The following CSNK1G3 variants were observed in gnomAD, a reference collection of about 807,000 sequenced individuals.
CSNK1G3 encodes casein kinase I isoform gamma-3.
Under a neutral mutation model 64.3 loss-of-function variants are expected in CSNK1G3, and 23 were observed. The ratio of observed to expected loss-of-function variants is 0.36; its 90% CI spans 0.26 to 0.51. The LOEUF (loss-of-function observed/expected upper bound fraction) is 0.51, where lower values mean the gene tolerates loss of function less well. Ranked by LOEUF, CSNK1G3 falls within the 20% of genes least tolerant of loss-of-function variation. The pLI is 0.96. For missense variants in CSNK1G3, 357 were observed against 510.5 expected (o/e 0.70, Z 2.90); for synonymous variants, 158 against 162.2 (o/e 0.97, Z 0.20).
At chr5:123,540,107 A>G (rs190457765) in intron 1 of CSNK1G3, among the ~76,000 whole-genome samples, 4 of 150,698 alleles carry the variant, frequency 2.7e-5, no homozygotes, top group Admixed American at 1.3e-4. Context: ...GTTGTGTTCT[A>G]TTTTCTGTTT....
rs937715941 is a variant in CSNK1G3 at position 123,591,407 on chromosome 5, A to G, written c.1079A>G (p.Lys360Arg). ...CACAGAGATAAGATGCAACAATCCA[A>G]AAACCAGGTTTGCTGCCCTTTAGAT... Residue 360 changes from lysine (K) to arginine (R), a missense_variant, in exon 10 of 13, where the codon AAA becomes AGA. Physicochemically the swap from Lys to Arg is conservative, Grantham distance 26. This residue lies in a region of CSNK1G3 where 187 missense variants were observed against 217.1 expected (regional missense o/e 0.86). Transcript: ENST00000345990. 5 of 1,605,882 alleles carry G rather than the reference A, an allele frequency of 3.1e-6. No homozygotes were observed. In the African/African-American group the frequency reaches 6.7e-5, roughly 22 times the overall value.
chr5:123,598,886 G>A (rs1350340616), intron 10 of CSNK1G3, among the ~76,000 whole-genome samples: 3 of 152,134 alleles, frequency 2.0e-5, no homozygotes, highest in Non-Finnish European at 2.9e-5. Flanking sequence ...GAGGAAAAAT[G>A]TTGGGTAGTG....
intron 1 of CSNK1G3, among the ~76,000 whole-genome samples, chr5:123,540,291 C>T (rs780871758): frequency 6.6e-6 from 1 of 151,730 alleles, no homozygotes; most frequent in Non-Finnish European, 1.5e-5. Flanking sequence ...CTGAGAATTC[C>T]TGTTTTTGCT....
chr5:123,585,617 T>C (rs929766812), intron 6 of CSNK1G3, among the ~76,000 whole-genome samples: 5 of 152,200 alleles, frequency 3.3e-5, no homozygotes, highest in African/African-American at 1.2e-4. Flanking sequence ...CTATTACAAC[T>C]TTTTAGTAAG....
intron 2 of CSNK1G3, among the ~76,000 whole-genome samples, chr5:123,551,825 T>C (rs1175162352): frequency 1.3e-5 from 2 of 152,192 alleles, no homozygotes; most frequent in African/African-American, 4.8e-5. Context: ...TGTTTTGTTT[T>C]CCTCACTATA....
chr5:123,520,266 A>G (rs149574434), intron 1 of CSNK1G3, among the ~76,000 whole-genome samples: 14 of 152,288 alleles, frequency 9.2e-5, no homozygotes, highest in African/African-American at 3.1e-4. Flanking sequence ...CATATATACT[A>G]TACATGTATA....
At chr5:123,587,589 A>G (rs1028208537) in intron 6 of CSNK1G3, among the ~76,000 whole-genome samples, 11 of 152,214 alleles carry the variant, frequency 7.2e-5, no homozygotes, top group Non-Finnish European at 1.3e-4. Flanking sequence ...ATTACACACA[A>G]TACTCCATAA....
At chr5:123,581,132 T>G (rs1175512795) in intron 6 of CSNK1G3, among the ~76,000 whole-genome samples, 2 of 151,926 alleles carry the variant, frequency 1.3e-5, no homozygotes, top group East Asian at 3.9e-4. Flanking sequence ...TTTATAATTA[T>G]ATTTTAACAG....
At chr5:123,576,026 T>C (rs1042182497) in intron 6 of CSNK1G3, 63 bp downstream of exon 6, 2 of 1,070,298 alleles carry the variant, frequency 1.9e-6, no homozygotes, top group Non-Finnish European at 2.7e-6. Flanking sequence ...ACTGTGAGTT[T>C]TTATTTGTTA....
At chr5:123,527,234 A>T (rs1286706335) in intron 1 of CSNK1G3, among the ~76,000 whole-genome samples, 1 of 152,124 alleles carries the variant, frequency 6.6e-6, no homozygotes, top group Non-Finnish European at 1.5e-5. Context: ...TGGAACTATT[A>T]TTTCTTGTTC....
chr5:123,613,818 C>T (rs1374956703), intron 12 of CSNK1G3, among the ~76,000 whole-genome samples: 1 of 152,080 alleles, frequency 6.6e-6, no homozygotes. Flanking sequence ...TAAGCTTGAC[C>T]TTCTTTAACC....
intron 1 of CSNK1G3, among the ~76,000 whole-genome samples, chr5:123,515,366 CA>C (rs938246482): frequency 4.6e-5 from 7 of 152,166 alleles, no homozygotes; most frequent in African/African-American, 1.4e-4. Flanking sequence ...TATTGAATAA[CA>C]AAATATAGGT....
exon 2 of CSNK1G3, chr5:123,545,765 T>G (rs1782425296): frequency 6.8e-6 from 11 of 1,613,790 alleles, no homozygotes; most frequent in African/African-American, 1.3e-5. Flanking sequence ...CTTCATCGTC[T>G]GGAGTTTTAA....
chr5:123,517,991 T>C lies in CSNK1G3; in HGVS notation c.-248+5421T>C, dbSNP rs114826106. Among the ~76,000 whole-genome samples, 1,435 of 151,710 alleles carry C rather than the reference T, an allele frequency of 9.5e-3. 27 individuals are homozygous for C. The highest frequency in any genetic ancestry group is 0.033 in the African/African-American group (1,353 of 41,334). ...CCAGAGGTTCATTCCTTAGAGTGAATTGTTTATCTAGTCAGGTGATCAATC... is the reference window on the plus strand; with the variant it reads ...CCAGAGGTTCATTCCTTAGAGTGAACTGTTTATCTAGTCAGGTGATCAATC... On this transcript the variant is annotated intron_variant, in intron 1 of 12. Coordinates refer to ENST00000345990, the Ensembl canonical transcript of CSNK1G3.
intron 5 of CSNK1G3, among the ~76,000 whole-genome samples, chr5:123,573,974 C>A (rs1047683733): frequency 6.6e-6 from 1 of 151,716 alleles, no homozygotes; most frequent in Non-Finnish European, 1.5e-5. Context: ...CTCAGCCTCC[C>A]GAGTAGCTGG....
intron 10 of CSNK1G3, among the ~76,000 whole-genome samples, chr5:123,592,824 C>G (rs1388366741): frequency 6.6e-6 from 1 of 151,718 alleles, no homozygotes; most frequent in Non-Finnish European, 1.5e-5. Flanking sequence ...TAAAGCATCT[C>G]ATACATAAAT....
chr5:123,597,759 T>A (rs1259488668), intron 10 of CSNK1G3, among the ~76,000 whole-genome samples: 1 of 152,166 alleles, frequency 6.6e-6, no homozygotes, highest in Non-Finnish European at 1.5e-5. Context: ...GAGCTTAAGC[T>A]CTGCAGTCAG....
chr5:123,549,080 A>G lies in CSNK1G3; in HGVS notation c.178+3239A>G, dbSNP rs1302766539. Among the ~76,000 whole-genome samples the G allele has an allele frequency of 2.0e-5, 3 of 152,216 alleles. No individual in the cohort carries two copies. The East Asian group carries it at 5.8e-4, about 29-fold the overall frequency. Reference sequence around the variant, plus strand: ...TCTATTGAATGCATGTTGTTTTTGCATCATTATATAAAGTTGAAATATCTC... The same window carrying G: ...TCTATTGAATGCATGTTGTTTTTGCGTCATTATATAAAGTTGAAATATCTC... On this transcript the variant is annotated intron_variant, in intron 2 of 12. Coordinates refer to ENST00000345990, the Ensembl canonical transcript of CSNK1G3.
intron 4 of CSNK1G3, among the ~76,000 whole-genome samples, chr5:123,558,354 T>G (rs1282792752): frequency 6.6e-6 from 1 of 152,224 alleles, no homozygotes; most frequent in Non-Finnish European, 1.5e-5. Context: ...AAATTTCTAT[T>G]GTTTGTTACA....
Sources: gnomAD v4.1 joint callset for allele counts (sites outside exome capture counted in the v4.1 genomes callset) on GRCh38, gnomAD v4.1.1 for gene constraint, gnomAD v4.1.1 regional missense constraint, MANE v1.5 for transcripts, NCBI Gene and HGNC (gene_info 2026-07-23, HGNC 2026-07-21) for gene names.